Variants in MMP16 observed in about 807,000 individuals in gnomAD.
MMP16 encodes matrix metallopeptidase 16, also known as matrix metalloproteinase-16.
A neutral mutation model predicts 67.8 loss-of-function variants in MMP16; 12 were observed. That is an observed-to-expected ratio of 0.18 (90% CI 0.11 to 0.29). The LOEUF is 0.29. Among genes scored for constraint, MMP16 ranks in the 10% least tolerant of loss-of-function variants. MMP16 has a pLI of 1.00. For missense variants in MMP16, 475 were observed against 765.7 expected (o/e 0.62, Z 4.48); for synonymous variants, 249 against 255.9 (o/e 0.97, Z 0.26).
chr8:88,080,504 C>T (rs185024617), intron 6 of MMP16, among the ~76,000 whole-genome samples: 6 of 152,236 alleles, frequency 3.9e-5, no homozygotes, highest in Admixed American at 2.6e-4. Flanking sequence ...GGCATGATCT[C>T]GGCTCACTGC....
At chr8:88,235,192 G>T (rs777573003) in intron 1 of MMP16, among the ~76,000 whole-genome samples, 62 of 152,084 alleles carry the variant, frequency 4.1e-4, no homozygotes, top group Non-Finnish European at 3.2e-4. Flanking sequence ...AGGAGTTCGA[G>T]ACCAGCCTGG....
chr8:88,281,478 G>T (rs1403405403), intron 1 of MMP16, among the ~76,000 whole-genome samples: 1 of 152,210 alleles, frequency 6.6e-6, no homozygotes, highest in East Asian at 1.9e-4. Flanking sequence ...AATGACTACA[G>T]CTTCAGCTGC....
At chr8:88,167,370 T>C (rs542943026) in intron 4 of MMP16, among the ~76,000 whole-genome samples, 2 of 152,260 alleles carry the variant, frequency 1.3e-5, no homozygotes, top group South Asian at 4.1e-4. Flanking sequence ...ATGACTTAAA[T>C]ACTGATTATA....
chr8:88,238,469 C>A (rs1039944798), intron 1 of MMP16, among the ~76,000 whole-genome samples: 1 of 151,790 alleles, frequency 6.6e-6, no homozygotes, highest in Non-Finnish European at 1.5e-5. Flanking sequence ...ACCAACCCGG[C>A]CAACATGGTG....
chr8:88,153,219 T>C (rs1808440088), intron 4 of MMP16, among the ~76,000 whole-genome samples: 1 of 151,308 alleles, frequency 6.6e-6, no homozygotes, highest in African/African-American at 2.4e-5. Context: ...TAAAAGAGGA[T>C]ACAAACAAAT....
intron 1 of MMP16, among the ~76,000 whole-genome samples, chr8:88,240,844 G>A (rs1178327730): frequency 6.6e-6 from 1 of 152,028 alleles, no homozygotes; most frequent in Admixed American, 6.6e-5. Flanking sequence ...CTTGCCAGAG[G>A]CTTGTCTTTA....
chr8:88,179,795 C>T (rs1206071198), intron 3 of MMP16, among the ~76,000 whole-genome samples: 2 of 151,886 alleles, frequency 1.3e-5, no homozygotes, highest in Non-Finnish European at 2.9e-5. Flanking sequence ...CCCAAGGTCA[C>T]CACTTAAAAA....
Position 88,169,970 on chromosome 8 carries a change from G to A in MMP16, c.405-1997C>T, listed in dbSNP as rs376282733. ...TTATGTTGAAAATATATTGACGTAGGGCAAGATTTGAGGCAGGAAGACACA... is the reference window on the plus strand; with the variant it reads ...TTATGTTGAAAATATATTGACGTAGAGCAAGATTTGAGGCAGGAAGACACA... On this transcript the variant is annotated intron_variant, in intron 3 of 9. Transcript: ENST00000286614. 2.6e-5 allele frequency among the ~76,000 whole-genome samples: 4 copies of A among 152,150 alleles called. No homozygotes were observed. The South Asian group carries it at 6.2e-4, about 24-fold the overall frequency.
intron 3 of MMP16, among the ~76,000 whole-genome samples, chr8:88,175,715 T>C (rs1479218506): frequency 6.6e-6 from 1 of 152,232 alleles, no homozygotes; most frequent in East Asian, 1.9e-4. Context: ...GGTTTGGCTA[T>C]GTCCCTACCC....
At chr8:88,301,622 T>C (rs1372799055) in intron 1 of MMP16, among the ~76,000 whole-genome samples, 1 of 152,218 alleles carries the variant, frequency 6.6e-6, no homozygotes, top group Non-Finnish European at 1.5e-5. Context: ...GAAATGTGTT[T>C]AATTGTAACT....
At chr8:88,234,733 A>T (rs1809914154) in intron 1 of MMP16, among the ~76,000 whole-genome samples, 1 of 152,260 alleles carries the variant, frequency 6.6e-6, no homozygotes, top group South Asian at 2.1e-4. Context: ...GCTGTAAAGC[A>T]GGGCAGTCAA....
intron 4 of MMP16, among the ~76,000 whole-genome samples, chr8:88,149,110 G>C (rs1329827448): frequency 1.3e-5 from 2 of 152,198 alleles, no homozygotes; most frequent in African/African-American, 4.8e-5. Flanking sequence ...GGACGCACCT[G>C]GAAAATCGGG....
intron 1 of MMP16, among the ~76,000 whole-genome samples, chr8:88,273,552 A>G (rs1043617174): frequency 1.3e-5 from 2 of 152,288 alleles, no homozygotes; most frequent in Middle Eastern, 6.8e-3. Context: ...AATTAAATTG[A>G]GTAAATTTTT....
At chr8:88,310,833 A>G (rs1466143345) in intron 1 of MMP16, among the ~76,000 whole-genome samples, 2 of 152,184 alleles carry the variant, frequency 1.3e-5, no homozygotes, top group Non-Finnish European at 2.9e-5. Context: ...ACTAGCAAGT[A>G]TAAATTTGGC....
chr8:88,115,383 G>A (rs1441124601), intron 6 of MMP16, among the ~76,000 whole-genome samples: 3 of 151,986 alleles, frequency 2.0e-5, no homozygotes, highest in Admixed American at 6.6e-5. Flanking sequence ...ATAGAATGGC[G>A]ATATCAAATT....
At chr8:88,123,880 T>G (rs1807882489) in intron 4 of MMP16, among the ~76,000 whole-genome samples, 1 of 151,890 alleles carries the variant, frequency 6.6e-6, no homozygotes, top group South Asian at 2.1e-4. Context: ...CAAAGTGCTC[T>G]CTCTTGCCTT....
chr8:88,312,619 G>A (rs4463475), intron 1 of MMP16, among the ~76,000 whole-genome samples: 86,965 of 151,876 alleles, frequency 0.57, 26,932 homozygotes, highest in East Asian at 0.84. Flanking sequence ...CAGCCCTCCT[G>A]CCCTCCTCCC....
At chr8:88,131,966 G>A (rs527446839) in intron 4 of MMP16, among the ~76,000 whole-genome samples, 8 of 151,692 alleles carry the variant, frequency 5.3e-5, no homozygotes, top group African/African-American at 9.7e-5. Flanking sequence ...ACATTATGTC[G>A]TTTATTGCTG....
Position 88,118,749 on chromosome 8 carries a change from G to T in MMP16, c.822C>A (p.Asp274Glu). 2 of 1,613,388 alleles carry T rather than the reference G, an allele frequency of 1.2e-6. No homozygotes were observed. Among genetic ancestry groups the T allele is most frequent in the Non-Finnish European group, 1.7e-6 (2 of 1,179,528 alleles). Residue 274 changes from aspartate (D) to glutamate (E), a missense_variant, in exon 5 of 10, where the codon GAC becomes GAA. Physicochemically the swap from Asp to Glu is conservative, Grantham distance 45. Around this residue, in one of 5 missense-constraint regions of MMP16, gnomAD observed 195 missense variants for 300.9 expected, o/e 0.65. Transcript: ENST00000286614. Reference protein sequence around the residue: ...MAPFYQYMETDNFKLPNDDLQ... With the variant: ...MAPFYQYMETENFKLPNDDLQ... ...AATCATCATTAGGTAGTTTGAAGTT[G>T]TCTGTTTCCATGTACTGGTAAAATG...
Sources: allele counts gnomAD v4.1 joint callset (sites outside exome capture counted in the v4.1 genomes callset), GRCh38; gene constraint gnomAD v4.1.1; regional missense constraint gnomAD v4.1.1; transcripts MANE v1.5; gene names NCBI Gene and HGNC (gene_info 2026-07-23, HGNC 2026-07-21).